EAF2: variants seen among roughly 807,000 people sequenced by gnomAD.
The protein encoded by EAF2 is ELL-associated factor 2.
EAF2 carries 29 observed loss-of-function variants against 29.4 expected under a neutral mutation model. That is an observed-to-expected ratio of 0.99 (90% CI 0.73 to 1.35). The LOEUF is 1.35. Among genes scored for constraint, EAF2 ranks in the 40% most tolerant of loss-of-function variants. The pLI, the probability that EAF2 is intolerant of heterozygous loss-of-function variation, is 0.00. For synonymous variants in EAF2, 103 were observed against 102.5 expected, an observed-to-expected ratio of 1.00 and a Z score of -0.03; for missense variants, 292 against 312.0, an observed-to-expected ratio of 0.94 and a Z score of 0.48.
chr3:121,847,684 C>T (rs1708553226), intron 2 of EAF2, among the ~76,000 whole-genome samples: 1 of 152,006 alleles, frequency 6.6e-6, no homozygotes, highest in African/African-American at 2.4e-5. Context: ...GTTCTGTGCT[C>T]CTGAGATTAG....
chr3:121,868,722 G>A (rs182698454), intron 4 of EAF2, among the ~76,000 whole-genome samples: 96 of 152,276 alleles, frequency 6.3e-4, no homozygotes, highest in Non-Finnish European at 1.0e-3. Flanking sequence ...AAAACGTGAA[G>A]CAAAAACTGC....
intron 1 of EAF2, among the ~76,000 whole-genome samples, chr3:121,840,527 C>T (rs1281949893): frequency 9.6e-6 from 1 of 103,942 alleles, no homozygotes; most frequent in South Asian, 3.6e-4. Flanking sequence ...AAAAACGGGC[C>T]GGGTGCGGTG....
intron 5 of EAF2, among the ~76,000 whole-genome samples, chr3:121,883,048 CAA>C (rs1709218167): frequency 6.6e-6 from 1 of 151,852 alleles, no homozygotes; most frequent in African/African-American, 2.4e-5. Context: ...AAAAGAAAAA[CAA>C]ATTTATAATA....
intron 1 of EAF2, among the ~76,000 whole-genome samples, chr3:121,841,277 G>T (rs867319479): frequency 6.6e-6 from 1 of 151,842 alleles, no homozygotes; most frequent in Admixed American, 6.6e-5. Flanking sequence ...GCGGAGGCGG[G>T]CGTATCACCT....
intron 5 of EAF2, among the ~76,000 whole-genome samples, chr3:121,873,892 C>T (rs528752863): frequency 6.6e-6 from 1 of 151,958 alleles, no homozygotes; most frequent in South Asian, 2.1e-4. Context: ...ACCACAAGCT[C>T]CTATCTTTTA....
In EAF2 at chr3:121,844,502, G is replaced by A; in HGVS notation, c.156G>A (p.Glu52=). 4 of 1,611,174 alleles carry A rather than the reference G, an allele frequency of 2.5e-6. No homozygotes were observed. The highest frequency in any genetic ancestry group is 3.4e-6 in the Non-Finnish European group (4 of 1,178,762). ...ACACTTCTTCTGAAGGATACCTTGA[G>A]GTTGGTGAAGGTGAACAGGTGACCA... The part of the protein sequence containing the change: ...SIDTSSEGYL[E]VGEGEQVTIT... Residue 52 remains glutamate, a synonymous_variant, in exon 2 of 6, where the codon GAG becomes GAA. Transcript: ENST00000273668.
intron 4 of EAF2, among the ~76,000 whole-genome samples, chr3:121,866,679 A>G (rs1251118380): frequency 2.0e-5 from 3 of 152,038 alleles, no homozygotes; most frequent in African/African-American, 7.2e-5. Context: ...GAGCCAAGAT[A>G]GTGCCACTGC....
At chr3:121,850,310 C>G (rs1484306260) in intron 2 of EAF2, among the ~76,000 whole-genome samples, 1 of 149,952 alleles carries the variant, frequency 6.7e-6, no homozygotes, top group Non-Finnish European at 1.5e-5. Context: ...CCAACCATTT[C>G]TTTTTTTCCC....
chr3:121,845,335 G>A (rs908234922), intron 2 of EAF2, among the ~76,000 whole-genome samples: 1 of 150,244 alleles, frequency 6.7e-6, no homozygotes, highest in Non-Finnish European at 1.5e-5. Context: ...CTATTTGGGA[G>A]GTTCAGGCAG....
At chr3:121,871,324 A>G (rs945092906) in intron 4 of EAF2, among the ~76,000 whole-genome samples, 2 of 111,820 alleles carry the variant, frequency 1.8e-5, no homozygotes, top group African/African-American at 4.3e-5. Context: ...TCAAGAATAG[A>G]CGAATAGACA....
At chr3:121,853,409 C>G (rs1488207630) in intron 2 of EAF2, among the ~76,000 whole-genome samples, 1 of 152,068 alleles carries the variant, frequency 6.6e-6, no homozygotes, top group Non-Finnish European at 1.5e-5. Context: ...CCTTTCTTCT[C>G]CACCCCTTTT....
intron 4 of EAF2, among the ~76,000 whole-genome samples, chr3:121,861,998 C>A (rs914279857): frequency 1.3e-5 from 2 of 152,138 alleles, no homozygotes; most frequent in African/African-American, 4.8e-5. Context: ...GAATATTGGC[C>A]CCCATGCTCT....
At chr3:121,848,395 G>A (rs1055345458) in intron 2 of EAF2, among the ~76,000 whole-genome samples, 2 of 152,092 alleles carry the variant, frequency 1.3e-5, no homozygotes, top group African/African-American at 4.8e-5. Context: ...ATATTTTAAT[G>A]GTATAGATCT....
chr3:121,880,456 G>T (rs1709174197), intron 5 of EAF2, among the ~76,000 whole-genome samples: 1 of 15,528 alleles, frequency 6.4e-5, no homozygotes, highest in South Asian at 3.1e-3. Context: ...GTGTTTTGGG[G>T]TGTGTGTGTG....
At chr3:121,865,960 T>G (rs1467550911) in intron 4 of EAF2, among the ~76,000 whole-genome samples, 2 of 152,164 alleles carry the variant, frequency 1.3e-5, no homozygotes, top group African/African-American at 2.4e-5. Flanking sequence ...TAACCTAAGA[T>G]TCTTCTCTCT....
In EAF2 at chr3:121,854,822, AG is replaced by A; in HGVS notation, c.338+1del. Reference protein sequence around the residue: ...LSSNITVKKTRVEGSSKIQYR... With the variant: ...LSSNITVKKTXVEGSSKIQYR... The stretch of plus-strand genomic sequence containing the variant: ...CAGCAACATCACTGTAAAAAAAACA[AG>A]GTATGTGGTTTAATGAAATAAATTA... On this transcript the variant is annotated frameshift_variant and splice_region_variant, in exon 3 of 6. Coordinates refer to ENST00000273668, the MANE Select transcript of EAF2 (RefSeq NM_018456.6). LOFTEE classifies it high-confidence loss of function. The A allele has an allele frequency of 6.4e-7, 1 of 1,561,676 alleles. No homozygotes were observed. The highest frequency in any genetic ancestry group is 8.6e-7 in the Non-Finnish European group (1 of 1,165,576).
rs1358688598 is a variant in EAF2, at chr3:121,838,433, A to G, written c.106+3042A>G. On this transcript the variant is annotated intron_variant, in intron 1 of 5. Coordinates refer to ENST00000273668, the MANE Select transcript of EAF2 (RefSeq NM_018456.6). ...GCAAATTCTTTAATTCTGGAACTCA[A>G]CCACTTGAAACTCGGAAGTTATATA... 7.2e-5 allele frequency among the ~76,000 whole-genome samples: 11 copies of G among 152,210 alleles called. No homozygotes were observed. In the East Asian group the frequency reaches 2.1e-3, roughly 29 times the overall value.
chr3:121,843,004 CTT>C (rs1469550017), intron 1 of EAF2, among the ~76,000 whole-genome samples: 1 of 152,060 alleles, frequency 6.6e-6, no homozygotes, highest in Non-Finnish European at 1.5e-5. Flanking sequence ...ATAACTGTAT[CTT>C]AAAATCTAGG....
intron 1 of EAF2, among the ~76,000 whole-genome samples, chr3:121,843,637 G>T (rs1456678703): frequency 6.6e-6 from 1 of 152,094 alleles, no homozygotes; most frequent in East Asian, 1.9e-4. Flanking sequence ...ATATTCGTAT[G>T]AATTAGTTTT....
Sources: gnomAD v4.1 joint callset for allele counts (sites outside exome capture counted in the v4.1 genomes callset) on GRCh38, gnomAD v4.1.1 for gene constraint, MANE v1.5 for transcripts, NCBI Gene and HGNC (gene_info 2026-07-23, HGNC 2026-07-21) for gene names.